The following IDE variants were observed in gnomAD, a reference collection of about 807,000 sequenced individuals.
The protein encoded by IDE is insulin degrading enzyme.
In IDE, 58 loss-of-function variants were observed where a neutral mutation model predicts 133.2. The observed-to-expected ratio is 0.44, with a 90% CI of 0.35 to 0.54. The LOEUF is 0.54. Ranked by LOEUF, IDE falls within the 20% of genes least tolerant of loss-of-function variation. The pLI is 0.00. For missense variants in IDE, 981 were observed against 1,234.0 expected, an observed-to-expected ratio of 0.79 and a Z score of 3.07; for synonymous variants, 396 against 421.3, an observed-to-expected ratio of 0.94 and a Z score of 0.73.
At chr10:92,540,778 A>C (rs1226681367) in intron 1 of IDE, among the ~76,000 whole-genome samples, 1 of 151,696 alleles carries the variant, frequency 6.6e-6, no homozygotes, top group Non-Finnish European at 1.5e-5. Flanking sequence ...GAGGTTAAAA[A>C]CTCTATATAA....
intron 11 of IDE, among the ~76,000 whole-genome samples, chr10:92,496,302 GA>G (rs1216223913): frequency 6.6e-6 from 1 of 152,192 alleles, no homozygotes; most frequent in African/African-American, 2.4e-5. Flanking sequence ...TTCCTATTTG[GA>G]AAAACTCATA....
chr10:92,461,223 G>C lies in IDE; in HGVS notation c.2791C>G (p.Leu931Val), dbSNP rs1564591005. The stretch of plus-strand genomic sequence containing the variant: ...AATTTGATGATATCTTCCTTGGTAA[G>C]TGTCTTTAAATATGCAACCTCAGTG... ...DNTEVAYLKT[L>V]TKEDIIKFYK... Residue 931 changes from leucine to valine, a missense_variant, in exon 22 of 25, where the codon CTT becomes GTT. Physicochemically the swap from Leu to Val is conservative, Grantham distance 32. Around this residue, in one of 2 missense-constraint regions of IDE, gnomAD observed 660 missense variants for 894.7 expected, o/e 0.74. Coordinates refer to ENST00000265986, the MANE Select transcript of IDE (RefSeq NM_004969.4). 2 of 1,462,290 alleles carry C rather than the reference G, an allele frequency of 1.4e-6. No homozygotes were observed. The highest frequency in any genetic ancestry group is 1.9e-6 in the Non-Finnish European group (2 of 1,043,006). 90.6% of individuals were successfully genotyped at this position (1,462,290 alleles called of 1,614,324 possible).
At chr10:92,573,287 C>A in intron 1 of IDE, 1 of 552,836 alleles carries the variant, frequency 1.8e-6, no homozygotes, top group Non-Finnish European at 2.3e-6. Context: ...CTCGGAGCTC[C>A]GGTTGTCTCC....
intron 24 of IDE, among the ~76,000 whole-genome samples, chr10:92,455,209 C>T (rs1844927059): frequency 2.0e-5 from 3 of 152,156 alleles, no homozygotes; most frequent in African/African-American, 7.2e-5. Flanking sequence ...GGCACAGTGT[C>T]TCGTGCCTGT....
intron 14 of IDE, among the ~76,000 whole-genome samples, chr10:92,481,339 G>C (rs1047463802): frequency 6.6e-6 from 1 of 152,192 alleles, no homozygotes; most frequent in Non-Finnish European, 1.5e-5. Flanking sequence ...CTACTCAGGA[G>C]GCTGAGGTGG....
chr10:92,525,606 A>G (rs759915514), intron 4 of IDE, among the ~76,000 whole-genome samples: 3 of 152,186 alleles, frequency 2.0e-5, no homozygotes, highest in Non-Finnish European at 4.4e-5. Context: ...TTGTTCGTAG[A>G]CAACATAATC....
chr10:92,515,960 A>G (rs972564673), intron 4 of IDE, among the ~76,000 whole-genome samples: 3 of 151,338 alleles, frequency 2.0e-5, no homozygotes, highest in African/African-American at 7.3e-5. Context: ...ACCTGAGGTC[A>G]GGAGTTCAAG....
intron 1 of IDE, among the ~76,000 whole-genome samples, chr10:92,544,283 A>T (rs1842440561): frequency 6.6e-6 from 1 of 152,060 alleles, no homozygotes; most frequent in Non-Finnish European, 1.5e-5. Flanking sequence ...TAATCCTAAC[A>T]ATCACTCTCA....
At chr10:92,523,583 C>T (rs565188689) in intron 4 of IDE, among the ~76,000 whole-genome samples, 17 of 151,316 alleles carry the variant, frequency 1.1e-4, no homozygotes, top group African/African-American at 3.9e-4. Context: ...TGCCTATAAT[C>T]CCAGCAACTT....
intron 3 of IDE, among the ~76,000 whole-genome samples, chr10:92,533,982 C>T (rs1161416584): frequency 1.1e-4 from 16 of 151,484 alleles, no homozygotes; most frequent in Non-Finnish European, 1.5e-5. Flanking sequence ...AAGACTGCAC[C>T]ATTGCATTCC....
chr10:92,477,288 A>C (rs1564606865), intron 15 of IDE, among the ~76,000 whole-genome samples: 1 of 152,072 alleles, frequency 6.6e-6, no homozygotes, highest in African/African-American at 2.4e-5. Context: ...GAGTAGCTGG[A>C]CTACAGGTAC....
chr10:92,561,477 C>T (rs993680438), intron 1 of IDE, among the ~76,000 whole-genome samples: 6 of 150,760 alleles, frequency 4.0e-5, no homozygotes, highest in African/African-American at 9.8e-5. Context: ...GTAAGCTGGG[C>T]GTGGCAGCTC....
intron 11 of IDE, among the ~76,000 whole-genome samples, chr10:92,493,294 T>C (rs1847474192): frequency 1.3e-5 from 2 of 151,968 alleles, no homozygotes; most frequent in Admixed American, 6.6e-5. Flanking sequence ...TCTCAGAAAA[T>C]GAATGGATTG....
At chr10:92,549,184 G>A (rs1157072447) in intron 1 of IDE, among the ~76,000 whole-genome samples, 5 of 152,090 alleles carry the variant, frequency 3.3e-5, no homozygotes, top group African/African-American at 1.2e-4. Flanking sequence ...GTTGAATCTG[G>A]GAGGCGGATG....
chr10:92,480,805 G>T, intron 14 of IDE: 1 of 206,618 alleles, frequency 4.8e-6, no homozygotes, highest in Non-Finnish European at 8.5e-6. Flanking sequence ...TGTTGTCCAG[G>T]CTGGTCTCGA....
At chr10:92,520,542 GA>G (rs1849166974) in intron 4 of IDE, among the ~76,000 whole-genome samples, 1 of 152,116 alleles carries the variant, frequency 6.6e-6, no homozygotes, top group Non-Finnish European at 1.5e-5. Context: ...CCAAGATCCT[GA>G]AAGTTAGGCT....
At chr10:92,478,688 G>C in intron 15 of IDE, 3 of 1,278,116 alleles carry the variant, frequency 2.3e-6, no homozygotes, top group South Asian at 1.3e-5. Context: ...GCTCAAACCT[G>C]AGAGGCGTGC....
chr10:92,459,751 T>C lies in IDE; in HGVS notation c.2823+1440A>G, dbSNP rs895027236. On this transcript the variant is annotated intron_variant, in intron 22 of 24. Coordinates refer to ENST00000265986, the MANE Select transcript of IDE (RefSeq NM_004969.4). ...TTAGCATACTTATTACACATTCATA[T>C]ACCTACCTAATGGAAATTTTGCTAT... Among the ~76,000 whole-genome samples, 2 of 151,930 alleles carry C rather than the reference T, an allele frequency of 1.3e-5. 1 individual carries two copies. Among genetic ancestry groups the C allele is most frequent in the South Asian group, 4.2e-4 (2 of 4,812 alleles).
chr10:92,565,595 A>G (rs1356833071), intron 1 of IDE, among the ~76,000 whole-genome samples: 2 of 151,990 alleles, frequency 1.3e-5, no homozygotes, highest in African/African-American at 2.4e-5. Flanking sequence ...AGCATTGTCA[A>G]GGCTGCCCCC....
Sources: allele counts gnomAD v4.1 joint callset (sites outside exome capture counted in the v4.1 genomes callset), GRCh38; gene constraint gnomAD v4.1.1; regional missense constraint gnomAD v4.1.1; transcripts MANE v1.5; gene names NCBI Gene and HGNC (gene_info 2026-07-23, HGNC 2026-07-21).